Variants in CNOT6 observed in about 807,000 individuals in gnomAD.
CNOT6 encodes the protein CCR4-NOT transcription complex subunit 6.
CNOT6 carries 12 observed loss-of-function variants against 61.2 expected under a neutral mutation model. That is an observed-to-expected ratio of 0.20 (90% CI 0.13 to 0.32). The LOEUF (loss-of-function observed/expected upper bound fraction) is 0.32, where lower values mean the gene tolerates loss of function less well. Among genes scored for constraint, CNOT6 ranks in the 10% least tolerant of loss-of-function variants. CNOT6 has a pLI of 1.00. For synonymous variants in CNOT6, 225 were observed against 240.6 expected (o/e 0.94, Z 0.60); for missense variants, 405 against 663.9 (o/e 0.61, Z 4.28).
In CNOT6 at chr5:180,564,524, C is replaced by G; in HGVS notation, c.421C>G (p.Gln141Glu). 1.2e-6 allele frequency: 2 copies of G among 1,613,788 alleles called. No individual in the cohort carries two copies. The highest frequency in any genetic ancestry group is 1.7e-6 in the Non-Finnish European group (2 of 1,179,770). ...TACCCAGGATATATTGAACCTTTAT[C>G]AGGAACCAGATGGAACAAGACGGCT... ...PLTQDILNLY[Q>E]EPDGTRRLLN... Residue 141 changes from glutamine to glutamate, a missense_variant, in exon 5 of 12, where the codon CAG (glutamine) becomes GAG (glutamate). Physicochemically the swap from Gln to Glu is conservative, Grantham distance 29 (BLOSUM62 2). Coordinates refer to ENST00000261951, the MANE Select transcript of CNOT6 (RefSeq NM_001370472.1).
intron 2 of CNOT6, among the ~76,000 whole-genome samples, chr5:180,537,600 A>G (rs1350871589): frequency 1.3e-5 from 2 of 152,164 alleles, no homozygotes; most frequent in Non-Finnish European, 2.9e-5. Context: ...TTCACAGGGC[A>G]GAAGTGCTGA....
At chr5:180,558,148 G>A (rs1759992123) in intron 4 of CNOT6, among the ~76,000 whole-genome samples, 1 of 152,236 alleles carries the variant, frequency 6.6e-6, no homozygotes, top group Non-Finnish European at 1.5e-5. Flanking sequence ...GAAGGGTACA[G>A]CTGTGCGTGG....
At chr5:180,534,253 G>A (rs1395370655) in intron 2 of CNOT6, 5 of 159,858 alleles carry the variant, frequency 3.1e-5, no homozygotes, top group African/African-American at 1.2e-4. Context: ...ACCGAAAGGG[G>A]AAGGTTGACG....
intron 1 of CNOT6, among the ~76,000 whole-genome samples, chr5:180,509,359 G>T (rs1757279873): frequency 6.6e-6 from 1 of 152,072 alleles, no homozygotes; most frequent in South Asian, 2.1e-4. Context: ...GAACTCCTGG[G>T]CTCAAATGAT....
chr5:180,551,428 G>C (rs1251062642), intron 3 of CNOT6, among the ~76,000 whole-genome samples: 2 of 152,144 alleles, frequency 1.3e-5, no homozygotes, highest in Non-Finnish European at 2.9e-5. Flanking sequence ...ATAGAGATGA[G>C]GGTCTCACTA....
intron 11 of CNOT6, 56 bp from the exon 12 acceptor site, chr5:180,573,932 T>G: frequency 8.3e-7 from 1 of 1,198,830 alleles, no homozygotes; most frequent in Non-Finnish European, 1.2e-6. Flanking sequence ...TTGAAAGCAC[T>G]GAGGATTTTA....
chr5:180,545,189 C>T (rs992216559), intron 2 of CNOT6, among the ~76,000 whole-genome samples: 2 of 152,064 alleles, frequency 1.3e-5, no homozygotes, highest in African/African-American at 4.8e-5. Context: ...TCAAAATTGG[C>T]GTGTATAAAG....
rs191880678 is a variant in CNOT6, at chr5:180,504,380, A to G, written c.-3+9617A>G. Among the ~76,000 whole-genome samples, 9 of 152,350 alleles carry G rather than the reference A, an allele frequency of 5.9e-5. No homozygotes were observed. The East Asian group carries it at 1.5e-3, about 26-fold the overall frequency. Reference sequence around the variant, plus strand: ...GTGGATCAAAACTGATTGCTCATACATTACAACTTCCCAAGTCATTGTGTA... The same window carrying G: ...GTGGATCAAAACTGATTGCTCATACGTTACAACTTCCCAAGTCATTGTGTA... On this transcript the variant is annotated intron_variant, in intron 1 of 11. Coordinates refer to ENST00000261951, the MANE Select transcript of CNOT6 (RefSeq NM_001370472.1).
chr5:180,520,210 T>G (rs986688664), intron 1 of CNOT6, among the ~76,000 whole-genome samples: 2 of 152,252 alleles, frequency 1.3e-5, no homozygotes, highest in Non-Finnish European at 2.9e-5. Context: ...AACAACTATA[T>G]TGTCAACCTG....
chr5:180,565,691 T>G (rs1760413637), intron 6 of CNOT6, 129 bp from the exon 7 acceptor site: 3 of 813,422 alleles, frequency 3.7e-6, no homozygotes, highest in Non-Finnish European at 5.6e-6. Flanking sequence ...TGGCGTACAG[T>G]AGCTTTTCAG....
chr5:180,498,476 G>A (rs963599758), intron 1 of CNOT6, among the ~76,000 whole-genome samples: 1 of 152,174 alleles, frequency 6.6e-6, no homozygotes, highest in East Asian at 1.9e-4. Flanking sequence ...CCAAACTGGG[G>A]AGAGGGAGTC....
chr5:180,539,491 C>T (rs915478738), intron 2 of CNOT6, among the ~76,000 whole-genome samples: 1 of 133,310 alleles, frequency 7.5e-6, no homozygotes, highest in Non-Finnish European at 1.6e-5. Context: ...TTGGAGTATG[C>T]TTTTATAGCA....
rs772039946 is a variant in CNOT6 at position 180,507,445 on chromosome 5, CA to C, written c.-3+12689del. On this transcript the variant is annotated intron_variant, in intron 1 of 11. Coordinates refer to ENST00000261951, the MANE Select transcript of CNOT6 (RefSeq NM_001370472.1). ...TGAAACCCCGTCTCTACTAAAAATACAAAAAAATTAGCCAGGCGTGGTGGTG... is the reference window on the plus strand; with the variant it reads ...TGAAACCCCGTCTCTACTAAAAATACAAAAAATTAGCCAGGCGTGGTGGTG... Among the ~76,000 whole-genome samples, 12 of 151,916 alleles carry C rather than the reference CA, an allele frequency of 7.9e-5. No homozygotes were observed. The East Asian group carries it at 9.7e-4, about 12-fold the overall frequency.
At chr5:180,535,983 T>C (rs1218303227) in intron 2 of CNOT6, among the ~76,000 whole-genome samples, 1 of 143,136 alleles carries the variant, frequency 7.0e-6, no homozygotes. Flanking sequence ...TGCCCACTTA[T>C]TAGGGTTTTT....
Position 180,574,166 on chromosome 5 carries a change from A to C in CNOT6, c.1640A>C (p.Gln547Pro). Reference protein sequence around the residue: ...QLELLLPFLPQVNGIHLPGRR With the variant: ...QLELLLPFLPPVNGIHLPGRR ...GAGCTCTTACTGCCTTTCCTGCCCC[A>C]AGTCAACGGCATCCACCTTCCTGGC... is the stretch of plus-strand genomic sequence containing the variant. The change falls in exon 12 of 12, where the codon CAA (glutamine) becomes CCA (proline). Residue 547 changes from glutamine (Q) to proline (P), a missense_variant. By Grantham distance (76) the Gln-to-Pro change is moderately conservative (BLOSUM62 -1). Around this residue, in one of 5 missense-constraint regions of CNOT6, gnomAD observed 52 missense variants for 69.3 expected, o/e 0.75. Transcript: ENST00000261951. The C allele has an allele frequency of 6.2e-7, 1 of 1,614,026 alleles. No individual in the cohort carries two copies. The highest frequency in any genetic ancestry group is 8.5e-7 in the Non-Finnish European group (1 of 1,180,000).
At chr5:180,509,805 TA>T (rs1757297072) in intron 1 of CNOT6, among the ~76,000 whole-genome samples, 2 of 150,632 alleles carry the variant, frequency 1.3e-5, no homozygotes, top group African/African-American at 4.9e-5. Flanking sequence ...CGTGGCCTAG[TA>T]AGACCTTTTT....
chr5:180,571,748 T>G (rs553141082), intron 11 of CNOT6, among the ~76,000 whole-genome samples: 1 of 152,224 alleles, frequency 6.6e-6, no homozygotes, highest in Admixed American at 6.5e-5. Flanking sequence ...GTATTTTTTG[T>G]AGAGATGGGG....
At chr5:180,509,109 A>G (rs1030666852) in intron 1 of CNOT6, among the ~76,000 whole-genome samples, 1 of 151,798 alleles carries the variant, frequency 6.6e-6, no homozygotes, top group Non-Finnish European at 1.5e-5. Context: ...TGTGAGCCAC[A>G]GCGCCCGGCC....
intron 1 of CNOT6, among the ~76,000 whole-genome samples, chr5:180,513,470 G>A (rs1006978710): frequency 2.0e-5 from 3 of 151,862 alleles, no homozygotes; most frequent in East Asian, 1.9e-4. Context: ...AGGTTCAAGC[G>A]ATTCTCCTGC....
Sources: gnomAD v4.1 joint callset for allele counts (sites outside exome capture counted in the v4.1 genomes callset) on GRCh38, gnomAD v4.1.1 for gene constraint, gnomAD v4.1.1 regional missense constraint, MANE v1.5 for transcripts, NCBI Gene and HGNC (gene_info 2026-07-23, HGNC 2026-07-21) for gene names.